The following ATP9B variants were observed in gnomAD, a reference collection of about 807,000 sequenced individuals.
ATP9B encodes the protein ATPase phospholipid transporting 9B.
In ATP9B, 110 loss-of-function variants were observed where a neutral mutation model predicts 146.1. That is an observed-to-expected ratio of 0.75 (90% CI 0.65 to 0.88). ATP9B has a LOEUF of 0.88. Ranked by LOEUF, ATP9B falls within the 40% of genes least tolerant of loss-of-function variation. The pLI is 0.00. For missense variants in ATP9B, 1,499 were observed against 1,496.4 expected, an observed-to-expected ratio of 1.00 and a Z score of -0.03; for synonymous variants, 604 against 569.7, an observed-to-expected ratio of 1.06 and a Z score of -0.86.
intron 26 of ATP9B, among the ~76,000 whole-genome samples, chr18:79,372,061 G>T (rs114002426): frequency 6.6e-6 from 1 of 152,180 alleles, no homozygotes; most frequent in Non-Finnish European, 1.5e-5. Context: ...TGTCACTTTC[G>T]ACAGCTCTTT....
chr18:79,140,138 C>G (rs1481706971), intron 5 of ATP9B, among the ~76,000 whole-genome samples: 1 of 151,968 alleles, frequency 6.6e-6, no homozygotes, highest in Non-Finnish European at 1.5e-5. Flanking sequence ...GATTTCAATC[C>G]AAGGGAGCAA....
intron 2 of ATP9B, among the ~76,000 whole-genome samples, chr18:79,102,935 G>A (rs1157576623): frequency 1.3e-5 from 2 of 152,226 alleles, no homozygotes; most frequent in African/African-American, 4.8e-5. Flanking sequence ...TTCTTTGCTA[G>A]TGTGTAGAAA....
chr18:79,069,734 G>C (rs1271802625), intron 1 of ATP9B, among the ~76,000 whole-genome samples: 1 of 152,244 alleles, frequency 6.6e-6, no homozygotes, highest in African/African-American at 2.4e-5. Flanking sequence ...GCCGGGGCGA[G>C]CGGCTGCATC....
intron 9 of ATP9B, among the ~76,000 whole-genome samples, chr18:79,198,468 G>T (rs1024957782): frequency 1.3e-5 from 2 of 152,096 alleles, no homozygotes; most frequent in African/African-American, 2.4e-5. Flanking sequence ...TGCAAAATAC[G>T]GTCATGAGTT....
intron 2 of ATP9B, 53 bp from the exon 3 acceptor site, chr18:79,110,301 AC>A (rs750285065): frequency 4.8e-6 from 7 of 1,471,310 alleles, no homozygotes; most frequent in Non-Finnish European, 5.4e-6. Flanking sequence ...ATTAGTTTGA[AC>A]TTTTTTAAAA....
chr18:79,214,099 C>A, intron 11 of ATP9B, 61 bp downstream of exon 11: 2 of 1,233,142 alleles, frequency 1.6e-6, no homozygotes, highest in South Asian at 2.9e-5. Flanking sequence ...GTAAGAAAGT[C>A]TGCATAGTTC....
Position 79,333,339 on chromosome 18 carries a change from G to A in ATP9B, c.2028+3235G>A, listed in dbSNP as rs139036289. Among the ~76,000 whole-genome samples the A allele has an allele frequency of 3.0e-4, 46 of 152,304 alleles. No homozygotes were observed. In the East Asian group the frequency reaches 6.0e-3, roughly 20 times the overall value. On this transcript the variant is annotated intron_variant, in intron 17 of 29. Coordinates refer to ENST00000426216, the MANE Select transcript of ATP9B (RefSeq NM_198531.5). ...CTGCATGTCCACCCCAAGGGCTGGC[G>A]GAGCCTTCCTTAGGGACACTGTCAT...
chr18:79,077,125 T>C (rs2072716522), intron 1 of ATP9B, among the ~76,000 whole-genome samples: 1 of 152,250 alleles, frequency 6.6e-6, no homozygotes, highest in South Asian at 2.1e-4. Context: ...TGACATCTAT[T>C]GATTCTCTTT....
At chr18:79,141,359 A>C (rs1261530463) in intron 5 of ATP9B, among the ~76,000 whole-genome samples, 1 of 152,174 alleles carries the variant, frequency 6.6e-6, no homozygotes, top group Non-Finnish European at 1.5e-5. Context: ...TAAATTACCC[A>C]GTTTTGGGTC....
At chr18:79,190,303 A>T (rs1235966809) in intron 8 of ATP9B, among the ~76,000 whole-genome samples, 4 of 151,904 alleles carry the variant, frequency 2.6e-5, no homozygotes, top group Non-Finnish European at 5.9e-5. Context: ...TTAAACATTT[A>T]AAAAAAAATT....
intron 15 of ATP9B, 91 bp downstream of exon 15, chr18:79,307,325 G>C (rs2096625185): frequency 1.9e-5 from 29 of 1,561,244 alleles, no homozygotes; most frequent in Non-Finnish European, 2.3e-5. Context: ...GGGGAATATA[G>C]AGGAGCAGTT....
rs1284647499 is a variant in ATP9B, at chr18:79,096,585, A to G, written c.229A>G (p.Ile77Val). The G allele has an allele frequency of 1.9e-6, 3 of 1,614,124 alleles. No homozygotes were observed. Among genetic ancestry groups the G allele is most frequent in the Non-Finnish European group, 2.5e-6 (3 of 1,179,998 alleles). The change falls in exon 2 of 30, where the codon ATA becomes GTA. Residue 77 changes from isoleucine to valine, a missense_variant. Ile to Val is a conservative substitution (Grantham distance 29). Transcript: ENST00000426216. ...TTACCACACCTTACCACGAGCCAGG[A>G]TAATGCAAAGGAAAAGAGGACTGGA... The part of the protein sequence containing the change: ...SDYHTLPRAR[I>V]MQRKRGLEWF...
At chr18:79,370,322 A>G (rs945610698) in intron 26 of ATP9B, among the ~76,000 whole-genome samples, 5 of 152,082 alleles carry the variant, frequency 3.3e-5, no homozygotes, top group African/African-American at 4.8e-5. Context: ...TTCACAGAGG[A>G]GGGAACTGAG....
chr18:79,155,753 CTTTTTTTTTTTTTTT>C (rs56002235), intron 7 of ATP9B, among the ~76,000 whole-genome samples: 3 of 74,048 alleles, frequency 4.1e-5, no homozygotes, highest in Admixed American at 1.6e-4. Flanking sequence ...TGTTTTCTCT[CTTTTTTTTTTTTTTT>C]TTTTTTTTTT....
Position 79,110,452 on chromosome 18 carries a change from C to A in ATP9B, c.391C>A (p.Pro131Thr). 6.2e-7 allele frequency: 1 copy of A among 1,612,828 alleles called. No homozygotes were observed. Among genetic ancestry groups the A allele is most frequent in the Non-Finnish European group, 8.5e-7 (1 of 1,179,202 alleles). Residue 131 changes from proline (P) to threonine (T), a missense_variant, in exon 3 of 30, where the codon CCC (proline) becomes ACC (threonine). Physicochemically the swap from Pro to Thr is conservative, Grantham distance 38 (BLOSUM62 -1). Transcript: ENST00000426216. ...TCCTGAAAAGTGTGAAGAAAAACATCCCAGGAATTCTATAAAAAATCAAAA... is the reference window on the plus strand; with the variant it reads ...TCCTGAAAAGTGTGAAGAAAAACATACCAGGAATTCTATAAAAAATCAAAA... ...GCPEKCEEKH[P>T]RNSIKNQKYN...
chr18:79,143,997 T>G (rs2094546706), intron 6 of ATP9B, 137 bp downstream of exon 6: 1 of 512,734 alleles, frequency 2.0e-6, no homozygotes, highest in Non-Finnish European at 3.3e-6. Flanking sequence ...AGATTTGTTG[T>G]ATGTGAAGAA....
At chr18:79,245,348 T>A (rs1302231990) in intron 11 of ATP9B, among the ~76,000 whole-genome samples, 2 of 152,236 alleles carry the variant, frequency 1.3e-5, no homozygotes, top group Non-Finnish European at 2.9e-5. Context: ...GTAGCTTACG[T>A]TATTGAAGGA....
intron 11 of ATP9B, among the ~76,000 whole-genome samples, chr18:79,231,479 A>C (rs752850366): frequency 6.6e-6 from 1 of 152,204 alleles, no homozygotes; most frequent in Non-Finnish European, 1.5e-5. Context: ...GGCCATAATC[A>C]AAAAATAGTA....
chr18:79,201,893 T>G (rs985362549), intron 9 of ATP9B, among the ~76,000 whole-genome samples: 1 of 152,066 alleles, frequency 6.6e-6, no homozygotes, highest in Non-Finnish European at 1.5e-5. Flanking sequence ...TTTTTTTTAA[T>G]TAGCCTAGTG....
Sources: gnomAD v4.1 joint callset for allele counts (sites outside exome capture counted in the v4.1 genomes callset) on GRCh38, gnomAD v4.1.1 for gene constraint, MANE v1.5 for transcripts, NCBI Gene and HGNC (gene_info 2026-07-23, HGNC 2026-07-21) for gene names.